PLEC: variants seen among roughly 807,000 people sequenced by gnomAD.
PLEC encodes the protein plectin.
In PLEC, 216 loss-of-function variants were observed where a neutral mutation model predicts 392.8. The observed-to-expected ratio is 0.55, with a 90% confidence interval of 0.49 to 0.62. The LOEUF (loss-of-function observed/expected upper bound fraction) is 0.62, where lower values mean the gene tolerates loss of function less well. Among genes scored for constraint, PLEC ranks in the 20% least tolerant of loss-of-function variants. The pLI is 0.00. For missense variants in PLEC, 6,863 were observed against 6,563.4 expected (o/e 1.05, Z -1.58); for synonymous variants, 3,621 against 2,980.6 (o/e 1.21, Z -7.00).
rs916531899 is a variant in PLEC at position 143,915,476 on chromosome 8, G to C, written c.*701C>G. On this transcript the variant is annotated 3_prime_UTR_variant, in exon 32 of 32. Coordinates refer to ENST00000345136, the MANE Select transcript of PLEC (RefSeq NM_201384.3). The stretch of plus-strand genomic sequence containing the variant: ...GGAGGGGCCCCTGGACCCACCAGGA[G>C]GACAGGTCTGCAGTTCCCAGCCATG... The C allele has an allele frequency of 6.6e-6, 1 of 152,362 alleles. No individual in the cohort carries two copies. Among genetic ancestry groups the C allele is most frequent in the Non-Finnish European group, 1.5e-5 (1 of 68,078 alleles). The allele number at this position is 152,362 out of a possible 1,614,324, so 9.4% of individuals were successfully genotyped here.
intron 25 of PLEC, among the ~76,000 whole-genome samples, chr8:143,928,779 G>A (rs57578158): frequency 0.12 from 17,771 of 151,032 alleles, 3,637 homozygotes; most frequent in African/African-American, 0.41. Flanking sequence ...GAGGCAGGGT[G>A]CAGGATTCCT....
intron 1 of PLEC, among the ~76,000 whole-genome samples, chr8:143,965,321 T>C (rs1587409642): frequency 6.6e-6 from 1 of 151,430 alleles, no homozygotes; most frequent in East Asian, 1.9e-4. Context: ...AGGACCCAAA[T>C]CCTGGAGAGC....
upstream of PLEC, among the ~76,000 whole-genome samples, chr8:143,941,314 G>T (rs1439108328): frequency 6.6e-6 from 1 of 152,168 alleles, no homozygotes; most frequent in Non-Finnish European, 1.5e-5. Context: ...ACTGGGAGCC[G>T]GGGCCAAGGT....
At chr8:143,962,708 C>A (rs1832924539) in intron 1 of PLEC, among the ~76,000 whole-genome samples, 1 of 152,174 alleles carries the variant, frequency 6.6e-6, no homozygotes, top group African/African-American at 2.4e-5. Flanking sequence ...CGAAACTTCG[C>A]CGAACTGTGT....
Position 143,925,881 on chromosome 8 carries a change from G to T in PLEC, c.4048C>A (p.Leu1350Met). The change falls in exon 31 of 32, where the codon CTG (leucine) becomes ATG (methionine). Residue 1350 changes from leucine to methionine, a missense_variant. Coordinates refer to ENST00000345136, the MANE Select transcript of PLEC (RefSeq NM_201384.3). ...TCCTCTGCCCGCTGCTGCTCAGCCA[G>T]CCTCTGTGGCCACAGCAGAGAGAAG... ...TLRRMEEEER[L>M]AEQQRAEERE... is the part of the protein sequence containing the mutation. 1 of 1,543,644 alleles carries T rather than the reference G, an allele frequency of 6.5e-7. No individual in the cohort carries two copies. Among genetic ancestry groups the T allele is most frequent in the East Asian group, 2.4e-5 (1 of 41,908 alleles).
chr8:143,949,758 G>A (rs1831913532), intron 1 of PLEC, among the ~76,000 whole-genome samples: 1 of 152,260 alleles, frequency 6.6e-6, no homozygotes, highest in African/African-American at 2.4e-5. Flanking sequence ...CGGCAAGGGA[G>A]GCGGCCAGGC....
chr8:143,938,041 G>T, intron 3 of PLEC, 110 bp downstream of exon 3: 1 of 768,918 alleles, frequency 1.3e-6, no homozygotes, highest in South Asian at 1.5e-5. Context: ...AGGAGGGGTT[G>T]AGCTGGATTC....
In PLEC at chr8:143,924,435, C is replaced by T. The variant is rs1401586689; in HGVS notation, c.5494G>A (p.Glu1832Lys). 6.4e-7 allele frequency: 1 copy of T among 1,573,530 alleles called. No individual in the cohort carries two copies. The highest frequency in any genetic ancestry group is 2.3e-5 in the East Asian group (1 of 42,804). ...GCCAGCTTCTCCGCAAGCACCCGCT[C>T]CGCCTCGGCCCGCTGCCGCGCCGCG... ...EDAARQRAEA[E>K]RVLAEKLAAI... The change falls in exon 31 of 32, where the codon GAG becomes AAG. Residue 1832 changes from glutamate to lysine, a missense_variant. By Grantham distance (56) the Glu-to-Lys change is moderately conservative. Coordinates refer to ENST00000345136, the MANE Select transcript of PLEC (RefSeq NM_201384.3).
chr8:143,950,047 G>C, intron 1 of PLEC: 1 of 1,157,314 alleles, frequency 8.6e-7, no homozygotes, highest in Non-Finnish European at 1.2e-6. Context: ...GGCTAGGGGG[G>C]GCCACCTGCT....
At chr8:143,929,885 G>A (rs781974114) in intron 22 of PLEC, 51 bp downstream of exon 22, 9 of 1,602,424 alleles carry the variant, frequency 5.6e-6, no homozygotes, top group African/African-American at 2.7e-5. Context: ...CCTGCACAAC[G>A]CCTCTCCCCT....
Position 143,923,116 on chromosome 8 carries a change from C to A in PLEC, c.6813G>T (p.Glu2271Asp), listed in dbSNP as rs1823487178. 1.9e-6 allele frequency: 3 copies of A among 1,605,172 alleles called. No individual in the cohort carries two copies. Among genetic ancestry groups the A allele is most frequent in the Non-Finnish European group, 2.5e-6 (3 of 1,179,890 alleles). ...NTQRFLQEEAEKMKQVAEEAA... is the reference protein window; with the variant it reads ...NTQRFLQEEADKMKQVAEEAA... ...CCTCCTCCGCCACCTGCTTCATCTT[C>A]TCAGCCTCCTCCTGCAGGAAGCGCT... Residue 2271 changes from glutamate to aspartate, a missense_variant, in exon 31 of 32, where the codon GAG (glutamate) becomes GAT (aspartate). Glu to Asp is a conservative substitution (Grantham distance 45, BLOSUM62 2). Transcript: ENST00000345136.
At position 143,929,844 on chromosome 8, in the gene PLEC, T is replaced by C; in HGVS notation, c.2740-15A>G. 6.3e-7 allele frequency: 1 copy of C among 1,599,698 alleles called. No homozygotes were observed. The highest frequency in any genetic ancestry group is 1.1e-5 in the South Asian group (1 of 90,912). ...AGGGTGCGGAACTGGGGGAAGCACG[T>C]GGGGCTGAGTGCCGGGCGAGGCGGC... On this transcript the variant is annotated splice_polypyrimidine_tract_variant and intron_variant, in intron 22 of 31. Coordinates refer to ENST00000345136, the MANE Select transcript of PLEC (RefSeq NM_201384.3).
chr8:143,919,721 T>C lies in PLEC; in HGVS notation c.10100A>G (p.Glu3367Gly), dbSNP rs782031082. 10 of 1,606,226 alleles carry C rather than the reference T, an allele frequency of 6.2e-6. No homozygotes were observed. Among genetic ancestry groups the C allele is most frequent in the Non-Finnish European group, 8.5e-6 (10 of 1,176,140 alleles). ...LAGIYLEDTK[E>G]KVSIYEAMRR... The stretch of plus-strand genomic sequence containing the variant: ...CATGGCCTCGTAGATGGACACCTTC[T>C]CCTTGGTGTCCTCCAGGTAGATGCC... The change falls in exon 32 of 32, where the codon GAG becomes GGG. Residue 3367 changes from glutamate (E) to glycine (G), a missense_variant. Physicochemically the swap from Glu to Gly is moderately conservative, Grantham distance 98. Coordinates refer to ENST00000345136, the MANE Select transcript of PLEC (RefSeq NM_201384.3).
intron 1 of PLEC, chr8:143,946,402 A>G (rs1554732233): frequency 1.6e-6 from 2 of 1,288,360 alleles, no homozygotes; most frequent in African/African-American, 1.5e-5. Flanking sequence ...TGGCTGCCAC[A>G]CAGGCCAGGC....
chr8:143,976,391 C>A (rs1214021662), upstream of PLEC, among the ~76,000 whole-genome samples: 1 of 152,094 alleles, frequency 6.6e-6, no homozygotes, highest in African/African-American at 2.4e-5. Flanking sequence ...GCAGCGGACA[C>A]CGAGGAGGGG....
chr8:143,926,145 C>A (rs1825103104), intron 30 of PLEC, among the ~76,000 whole-genome samples: 1 of 152,184 alleles, frequency 6.6e-6, no homozygotes. Flanking sequence ...GCGACGGAGA[C>A]AGACGGACGG....
In PLEC at chr8:143,919,279, G is replaced by A. The variant is rs1223267129; in HGVS notation, c.10542C>T (p.Asp3514=). Residue 3514 remains aspartate (D), a synonymous_variant, in exon 32 of 32, where the codon GAC becomes GAT. Coordinates refer to ENST00000345136, the MANE Select transcript of PLEC (RefSeq NM_201384.3). ...DPSDDTKGFF[D]PNTHENLTYR... Reference sequence around the variant, plus strand: ...ACGTGAGGTTCTCATGCGTGTTGGGGTCAAAGAAGCCCTTGGTGTCGTCGC... The same window carrying A: ...ACGTGAGGTTCTCATGCGTGTTGGGATCAAAGAAGCCCTTGGTGTCGTCGC... The A allele has an allele frequency of 5.0e-6, 8 of 1,613,902 alleles. No homozygotes were observed. The Admixed American group carries it at 6.7e-5, about 13-fold the overall frequency.
rs782471913 is a variant in PLEC, at chr8:143,929,430, C to T, written c.3065G>A (p.Arg1022His). 11 of 1,571,694 alleles carry T rather than the reference C, an allele frequency of 7.0e-6. No individual in the cohort carries two copies. The highest frequency in any genetic ancestry group is 2.3e-5 in the East Asian group (1 of 42,782). Residue 1022 changes from arginine (R) to histidine (H), a missense_variant, in exon 24 of 32, where the codon CGC becomes CAC. Transcript: ENST00000345136. ...DKEPARECAQRIAEQQKAQAE... is the reference protein window; with the variant it reads ...DKEPARECAQHIAEQQKAQAE... ...GGCCCCTGCCTGCTGCTCGGCGATGCGCTGGGCACACTCCCGTGCCGGCTC... is the reference window on the plus strand; with the variant it reads ...GGCCCCTGCCTGCTGCTCGGCGATGTGCTGGGCACACTCCCGTGCCGGCTC...
intron 1 of PLEC, among the ~76,000 whole-genome samples, chr8:143,966,565 G>T (rs1833102799): frequency 1.3e-5 from 2 of 152,128 alleles, no homozygotes; most frequent in Non-Finnish European, 2.9e-5. Context: ...TCTTGCAGGG[G>T]TCCAGCCAGC....
Sources: allele counts gnomAD v4.1 joint callset (sites outside exome capture counted in the v4.1 genomes callset), GRCh38; gene constraint gnomAD v4.1.1; transcripts MANE v1.5; gene names NCBI Gene and HGNC (gene_info 2026-07-23, HGNC 2026-07-21).